Variants in TM2D1 observed in about 807,000 individuals in gnomAD.
TM2D1 encodes TM2 domain-containing protein 1.
A neutral mutation model predicts 28.4 loss-of-function variants in TM2D1; 15 were observed. The ratio of observed to expected loss-of-function variants is 0.53; its 90% CI spans 0.35 to 0.81. TM2D1 has a LOEUF of 0.81. Ranked by LOEUF, TM2D1 falls within the 40% of genes least tolerant of loss-of-function variation. The pLI is 0.01. For missense variants in TM2D1, 236 were observed against 254.9 expected (o/e 0.93, Z 0.50); for synonymous variants, 93 against 96.2 (o/e 0.97, Z 0.20).
intron 4 of TM2D1, chr1:61,699,570 C>T (rs1011344351): frequency 3.3e-5 from 5 of 152,248 alleles, no homozygotes; most frequent in Non-Finnish European, 7.3e-5. Flanking sequence ...ATGCTTTACA[C>T]ATGCTGTTCT....
At chr1:61,715,345 C>T (rs1644508765) in intron 2 of TM2D1, among the ~76,000 whole-genome samples, 1 of 151,954 alleles carries the variant, frequency 6.6e-6, no homozygotes, top group Non-Finnish European at 1.5e-5. Flanking sequence ...TGGGACATAT[C>T]TTTTATACTC....
chr1:61,708,840 T>C (rs770655013), intron 3 of TM2D1, among the ~76,000 whole-genome samples: 4 of 151,740 alleles, frequency 2.6e-5, no homozygotes, highest in Non-Finnish European at 4.4e-5. Context: ...CTCTACTTGA[T>C]TGGTGAATTG....
At chr1:61,722,068 T>C (rs187050515) in intron 2 of TM2D1, among the ~76,000 whole-genome samples, 2 of 151,872 alleles carry the variant, frequency 1.3e-5, no homozygotes, top group Admixed American at 1.3e-4. Context: ...ACCCAAGAGT[T>C]TGAGACCAGC....
intron 2 of TM2D1, among the ~76,000 whole-genome samples, chr1:61,716,555 A>G (rs2148065727): frequency 6.9e-6 from 1 of 145,194 alleles, no homozygotes; most frequent in South Asian, 2.1e-4. Flanking sequence ...ATATATGTAT[A>G]TAATTTTATA....
chr1:61,712,434 C>T (rs944487834), intron 2 of TM2D1, among the ~76,000 whole-genome samples: 3 of 151,956 alleles, frequency 2.0e-5, no homozygotes, highest in East Asian at 1.9e-4. Flanking sequence ...TTATTGAAAC[C>T]GAGTCTCACT....
At chr1:61,701,117 T>C in intron 3 of TM2D1, 92 bp from the exon 4 acceptor site, 1 of 932,556 alleles carries the variant, frequency 1.1e-6, no homozygotes, top group Non-Finnish European at 1.7e-6. Flanking sequence ...TGGTTCATTC[T>C]TTCACTCAGT....
chr1:61,712,713 C>T (rs1251720693), intron 2 of TM2D1, among the ~76,000 whole-genome samples: 3 of 152,088 alleles, frequency 2.0e-5, no homozygotes, highest in African/African-American at 7.2e-5. Flanking sequence ...ACCCAGCCTC[C>T]AGTATATTTA....
In TM2D1 at chr1:61,725,057, C is replaced by T. The variant is rs752035847; in HGVS notation, c.64G>A (p.Val22Ile). ...GTAGTGACTGAGACGAACCACAGGA[C>T]ACCAACGAGTCTGGCCGTCACGGCC... ...PEAVTARLVG[V>I]LWFVSVTTGP... The change falls in exon 1 of 7, where the codon GTC becomes ATC. Residue 22 changes from valine to isoleucine, a missense_variant. Physicochemically the swap from Val to Ile is conservative, Grantham distance 29. This residue lies in a region of TM2D1 where 167 missense variants were observed against 162.7 expected (regional missense o/e 1.03). Transcript: ENST00000606498. 1.2e-6 allele frequency: 2 copies of T among 1,613,850 alleles called. No individual in the cohort carries two copies. Among genetic ancestry groups the T allele is most frequent in the Admixed American group, 1.7e-5 (1 of 60,016 alleles).
At chr1:61,724,066 T>C (rs953619059) in intron 1 of TM2D1, among the ~76,000 whole-genome samples, 1 of 152,136 alleles carries the variant, frequency 6.6e-6, no homozygotes, top group African/African-American at 2.4e-5. Flanking sequence ...AACATTACAA[T>C]AAACCTTTAA....
intron 3 of TM2D1, among the ~76,000 whole-genome samples, chr1:61,706,674 G>A (rs1028424617): frequency 2.0e-5 from 3 of 151,940 alleles, no homozygotes; most frequent in Non-Finnish European, 4.4e-5. Flanking sequence ...CAGGCATGGT[G>A]GCACATGCCT....
At chr1:61,685,415 T>C (rs951532181) in intron 5 of TM2D1, among the ~76,000 whole-genome samples, 14 of 152,168 alleles carry the variant, frequency 9.2e-5, no homozygotes, top group African/African-American at 2.9e-4. Flanking sequence ...ATGTGGAGAG[T>C]ATGGACTTTG....
rs762550068 is a variant in TM2D1, at chr1:61,690,456, CAAAAAAAAAAA to C, written c.513+4230_513+4240del. ...TGAGCAATAGGGCAAGACTCAGTCT[CAAAAAAAAAAA>C]AAAAAAAAAAAAAACACAAAACAAA... On this transcript the variant is annotated intron_variant, in intron 5 of 6. Transcript: ENST00000606498. Among the ~76,000 whole-genome samples, 6 of 60,034 alleles carry C rather than the reference CAAAAAAAAAAA, an allele frequency of 1.0e-4. No homozygotes were observed. In the South Asian group the frequency reaches 2.7e-3, roughly 27 times the overall value. The allele number at this position is 60,034 out of a possible 152,430, so 39.4% of individuals were successfully genotyped here.
intron 5 of TM2D1, among the ~76,000 whole-genome samples, chr1:61,691,963 A>G (rs1370268791): frequency 7.1e-6 from 1 of 140,558 alleles, no homozygotes; most frequent in African/African-American, 2.5e-5. Flanking sequence ...ATATATATGT[A>G]TATATATATG....
At chr1:61,712,871 A>C (rs1644488485) in intron 2 of TM2D1, among the ~76,000 whole-genome samples, 1 of 152,144 alleles carries the variant, frequency 6.6e-6, no homozygotes, top group African/African-American at 2.4e-5. Context: ...ATTTTAGGAA[A>C]GAGTGCACAC....
intron 3 of TM2D1, among the ~76,000 whole-genome samples, chr1:61,702,184 T>C (rs1273172748): frequency 6.6e-6 from 1 of 151,818 alleles, no homozygotes; most frequent in Non-Finnish European, 1.5e-5. Flanking sequence ...AGTGAGACTC[T>C]GTCTCAAAAA....
chr1:61,694,808 T>A, intron 4 of TM2D1, 38 bp from the exon 5 acceptor site: 1 of 1,392,090 alleles, frequency 7.2e-7, no homozygotes, highest in Non-Finnish European at 9.9e-7. Context: ...ATCTGGAAGG[T>A]CTTCTAAATA....
chr1:61,683,502 A>G lies in TM2D1; in HGVS notation c.558T>C (p.Tyr186=). Residue 186 remains tyrosine (Y), a synonymous_variant, in exon 6 of 7, where the codon TAT becomes TAC. Transcript: ENST00000606498. The stretch of plus-strand genomic sequence containing the variant: ...TACTCAGTCTTGTAAGTCTGGTTCC[A>G]TAGTAATCTATAATGTAACTACTTC... ...SDGSSYIIDY[Y]GTRLTRLSIT... The G allele has an allele frequency of 6.5e-7, 1 of 1,546,394 alleles. No individual in the cohort carries two copies. The highest frequency in any genetic ancestry group is 8.7e-7 in the Non-Finnish European group (1 of 1,148,918).
chr1:61,714,652 T>C (rs986729938), intron 2 of TM2D1, among the ~76,000 whole-genome samples: 3 of 152,186 alleles, frequency 2.0e-5, no homozygotes, highest in Non-Finnish European at 4.4e-5. Flanking sequence ...CCCCCTGGGC[T>C]TAAGAGACCC....
intron 5 of TM2D1, among the ~76,000 whole-genome samples, chr1:61,686,628 C>T (rs1171919414): frequency 3.3e-5 from 5 of 151,942 alleles, no homozygotes; most frequent in African/African-American, 9.7e-5. Context: ...TTGTACCACT[C>T]CACTCCAACC....
Sources: allele counts gnomAD v4.1 joint callset (sites outside exome capture counted in the v4.1 genomes callset), GRCh38; gene constraint gnomAD v4.1.1; regional missense constraint gnomAD v4.1.1; transcripts MANE v1.5; gene names NCBI Gene and HGNC (gene_info 2026-07-23, HGNC 2026-07-21).